NEIL2: variants seen among roughly 807,000 people sequenced by gnomAD.
The protein encoded by NEIL2 is endonuclease 8-like 2.
A neutral mutation model predicts 22.2 loss-of-function variants in NEIL2; 23 were observed. The observed-to-expected ratio is 1.04, with a 90% CI of 0.75 to 1.47. The LOEUF (loss-of-function observed/expected upper bound fraction) is 1.47. Among genes scored for constraint, NEIL2 ranks in the 40% most tolerant of loss-of-function variants. The pLI is 0.00. For synonymous variants in NEIL2, 229 were observed against 164.8 expected (o/e 1.39, Z -2.99); for missense variants, 583 against 404.7 (o/e 1.44, Z -3.78).
At chr8:11,780,028 G>A (rs946059421) in intron 3 of NEIL2, 78 bp downstream of exon 3, 28 of 1,288,680 alleles carry the variant, frequency 2.2e-5, no homozygotes, top group Middle Eastern at 1.8e-4. Context: ...GACTTCAGCA[G>A]TGGGGACATA....
Position 11,779,650 on chromosome 8 carries a change from C to T in NEIL2, c.191C>T (p.Pro64Leu), listed in dbSNP as rs1429329117. The T allele has an allele frequency of 2.5e-6, 4 of 1,613,564 alleles. No individual in the cohort carries two copies. In the East Asian group the frequency reaches 6.7e-5, roughly 27 times the overall value. The change falls in exon 3 of 5, where the codon CCC (proline) becomes CTC (leucine). Residue 64 changes from proline to leucine, a missense_variant. By Grantham distance (98) the Pro-to-Leu change is moderately conservative. Coordinates refer to ENST00000284503, the MANE Select transcript of NEIL2 (RefSeq NM_145043.4). ...TTTGATCTAGATGAAGAAATGGGGC[C>T]CCCTGGCAGCAGCCCAACACCAGAG... ...LRFDLDEEMG[P>L]PGSSPTPEPP...
At chr8:11,784,536 A>G (rs1585786391) in intron 4 of NEIL2, among the ~76,000 whole-genome samples, 1 of 152,206 alleles carries the variant, frequency 6.6e-6, no homozygotes, top group Admixed American at 6.5e-5. Context: ...GAGTGTGACT[A>G]TGAGGCTCTT....
At chr8:11,771,214 C>T (rs977171065) in intron 1 of NEIL2, among the ~76,000 whole-genome samples, 4 of 152,166 alleles carry the variant, frequency 2.6e-5, no homozygotes, top group South Asian at 4.1e-4. Context: ...GTGTTTGCTG[C>T]ATGAAGAAAG....
At chr8:11,778,967 A>AG (rs58646648) in intron 2 of NEIL2, among the ~76,000 whole-genome samples, 1 of 126,168 alleles carries the variant, frequency 7.9e-6, no homozygotes, top group African/African-American at 2.9e-5. Flanking sequence ...AAAAAAAAAG[A>AG]CAGCAGAACA....
Position 11,787,280 on chromosome 8 carries a change from ATGT to A in NEIL2, c.*1013_*1015del, listed in dbSNP as rs1233333188. On this transcript the variant is annotated 3_prime_UTR_variant, in exon 5 of 5. Transcript: ENST00000284503. The stretch of plus-strand genomic sequence containing the variant: ...TCAAGGGCTGTGGAGAAACTCCCTC[ATGT>A]TGTTGGCAACAGGTGAATGAACCTA... The A allele has an allele frequency of 6.6e-6, 1 of 152,656 alleles. No individual in the cohort carries two copies. The highest frequency in any genetic ancestry group is 2.4e-5 in the African/African-American group (1 of 41,452). The allele number at this position is 152,656 out of a possible 1,614,324, so 9.5% of individuals were successfully genotyped here.
At chr8:11,775,432 G>C (rs1255654051) in intron 2 of NEIL2, among the ~76,000 whole-genome samples, 1 of 152,186 alleles carries the variant, frequency 6.6e-6, no homozygotes, top group African/African-American at 2.4e-5. Context: ...ATCTGGCCCA[G>C]GAAACCATTT....
Position 11,787,317 on chromosome 8 carries a change from A to T in NEIL2, c.*1044A>T, listed in dbSNP as rs1805059074. On this transcript the variant is annotated 3_prime_UTR_variant, in exon 5 of 5. Coordinates refer to ENST00000284503, the MANE Select transcript of NEIL2 (RefSeq NM_145043.4). ...ACAGGTGAATGAACCTAGAGCGGTGACATGAAAATAAAGCTCACTGTTACT... is the reference window on the plus strand; with the variant it reads ...ACAGGTGAATGAACCTAGAGCGGTGTCATGAAAATAAAGCTCACTGTTACT... 6.5e-6 allele frequency: 1 copy of T among 152,698 alleles called. No individual in the cohort carries two copies. Among genetic ancestry groups the T allele is most frequent in the Non-Finnish European group, 1.5e-5 (1 of 68,052 alleles). 9.5% of individuals were successfully genotyped at this position (152,698 alleles called of 1,614,324 possible).
rs1262409885 is a variant in NEIL2 at position 11,786,278 on chromosome 8, C to G, written c.*5C>G. 6.2e-7 allele frequency: 1 copy of G among 1,609,072 alleles called. No individual in the cohort carries two copies. The highest frequency in any genetic ancestry group is 1.7e-5 in the Admixed American group (1 of 59,730). ...GAGCAGTGCCAGTTCTCCTAAGGAG[C>G]TGGTGGTGCTCCTCACGGAACCTTG... On this transcript the variant is annotated 3_prime_UTR_variant, in exon 5 of 5. Coordinates refer to ENST00000284503, the MANE Select transcript of NEIL2 (RefSeq NM_145043.4).
chr8:11,777,501 T>A (rs1804010933), intron 2 of NEIL2, among the ~76,000 whole-genome samples: 1 of 152,214 alleles, frequency 6.6e-6, no homozygotes, highest in African/African-American at 2.4e-5. Flanking sequence ...CTCCCCAAGC[T>A]GAGACTCCAT....
Position 11,773,560 on chromosome 8 carries a change from A to G in NEIL2, c.138+1975A>G, listed in dbSNP as rs181877475. On this transcript the variant is annotated intron_variant, in intron 2 of 4. Transcript: ENST00000284503. ...ACAGGAAGAGGTCCCGGTGGCCTGGAGAAGATGTGCAGGAGGTAGGACTTG... is the reference window on the plus strand; with the variant it reads ...ACAGGAAGAGGTCCCGGTGGCCTGGGGAAGATGTGCAGGAGGTAGGACTTG... 1.8e-3 allele frequency among the ~76,000 whole-genome samples: 277 copies of G among 152,232 alleles called. 7 individuals are homozygous for G. Among genetic ancestry groups the G allele is most frequent in the Admixed American group, 0.018 (274 of 15,300 alleles).
intron 2 of NEIL2, among the ~76,000 whole-genome samples, chr8:11,779,208 GTA>G (rs773779555): frequency 6.6e-6 from 1 of 152,154 alleles, no homozygotes; most frequent in South Asian, 2.1e-4. Context: ...TAGCTGCTCT[GTA>G]TGTGTGCATT....
At position 11,786,067 on chromosome 8, in the gene NEIL2, G is replaced by A; in HGVS notation, c.793G>A (p.Val265Met). 6.2e-7 allele frequency: 1 copy of A among 1,614,200 alleles called. No homozygotes were observed. The highest frequency in any genetic ancestry group is 8.5e-7 in the Non-Finnish European group (1 of 1,180,024). The change falls in exon 5 of 5, where the codon GTG becomes ATG. Residue 265 changes from valine (V) to methionine (M), a missense_variant. By Grantham distance (21) the Val-to-Met change is conservative (BLOSUM62 1). Coordinates refer to ENST00000284503, the MANE Select transcript of NEIL2 (RefSeq NM_145043.4). Reference protein sequence around the residue: ...SRREVLVDHVVEFSTAWLQGK... With the variant: ...SRREVLVDHVMEFSTAWLQGK... ...TCGGGAGGTCCTGGTGGATCACGTG[G>A]TGGAGTTCAGTACAGCCTGGCTGCA...
Position 11,779,679 on chromosome 8 carries a change from C to G in NEIL2, c.220C>G (p.Pro74Ala). Residue 74 changes from proline (P) to alanine (A), a missense_variant, in exon 3 of 5, where the codon CCA (proline) becomes GCA (alanine). By Grantham distance (27) the Pro-to-Ala change is conservative. Transcript: ENST00000284503. The part of the protein sequence containing the change: ...PPGSSPTPEP[P>A]QKEVQKEGAA... Reference sequence around the variant, plus strand: ...TGGCAGCAGCCCAACACCAGAGCCTCCACAAAAAGAAGTGCAGAAGGAAGG... The same window carrying G: ...TGGCAGCAGCCCAACACCAGAGCCTGCACAAAAAGAAGTGCAGAAGGAAGG... 2.5e-6 allele frequency: 4 copies of G among 1,613,914 alleles called. No homozygotes were observed. The highest frequency in any genetic ancestry group is 3.4e-6 in the Non-Finnish European group (4 of 1,179,960).
At chr8:11,776,221 G>A (rs897700584) in intron 2 of NEIL2, among the ~76,000 whole-genome samples, 1 of 152,242 alleles carries the variant, frequency 6.6e-6, no homozygotes, top group Non-Finnish European at 1.5e-5. Flanking sequence ...GCAAGAAAGA[G>A]CATGTGCAGG....
rs2130500135 is a variant in NEIL2, at chr8:11,779,734, C to T, written c.275C>T (p.Pro92Leu). The T allele has an allele frequency of 2.5e-6, 4 of 1,614,160 alleles. No homozygotes were observed. Among genetic ancestry groups the T allele is most frequent in the Non-Finnish European group, 3.4e-6 (4 of 1,180,026 alleles). ...GAADPKQVGE[P>L]SGQKTLDGSS... ...GCGGACCCAAAGCAGGTCGGGGAGC[C>T]CAGCGGGCAGAAGACCCTTGATGGA... Residue 92 changes from proline (P) to leucine (L), a missense_variant, in exon 3 of 5, where the codon CCC becomes CTC. Pro to Leu is a moderately conservative substitution (Grantham distance 98). Transcript: ENST00000284503.
rs1261188111 is a variant in NEIL2 at position 11,786,565 on chromosome 8, C to T, written c.*292C>T. On this transcript the variant is annotated 3_prime_UTR_variant, in exon 5 of 5. Transcript: ENST00000284503. Reference sequence around the variant, plus strand: ...GAAAACTTCCCGGAAGGCAATGGGGCAAGGAAAAAGAAAGCCTATGGGAAA... The same window carrying T: ...GAAAACTTCCCGGAAGGCAATGGGGTAAGGAAAAAGAAAGCCTATGGGAAA... 4.4e-6 allele frequency: 2 copies of T among 459,382 alleles called. No homozygotes were observed. The highest frequency in any genetic ancestry group is 4.2e-5 in the East Asian group (1 of 23,730). 28.5% of individuals were successfully genotyped at this position (459,382 alleles called of 1,614,324 possible).
At chr8:11,784,687 T>C (rs1431935393) in intron 4 of NEIL2, among the ~76,000 whole-genome samples, 1 of 152,202 alleles carries the variant, frequency 6.6e-6, no homozygotes, top group Non-Finnish European at 1.5e-5. Context: ...TGTGGGTTAC[T>C]AAAGATTGCA....
intron 3 of NEIL2, among the ~76,000 whole-genome samples, chr8:11,781,703 G>T (rs984094141): frequency 7.2e-5 from 11 of 152,070 alleles, no homozygotes; most frequent in Non-Finnish European, 1.6e-4. Context: ...ACTTTGCTTT[G>T]TCTCTTTTTT....
intron 3 of NEIL2, among the ~76,000 whole-genome samples, chr8:11,782,340 G>A (rs1046756077): frequency 2.0e-5 from 3 of 152,120 alleles, no homozygotes; most frequent in South Asian, 2.1e-4. Flanking sequence ...CAGGAGAATC[G>A]CTTGAACCTG....
Sources: gnomAD v4.1 joint callset for allele counts (sites outside exome capture counted in the v4.1 genomes callset) on GRCh38, gnomAD v4.1.1 for gene constraint, MANE v1.5 for transcripts, NCBI Gene and HGNC (gene_info 2026-07-23, HGNC 2026-07-21) for gene names.